The following ADD2 variants were observed in gnomAD, a reference collection of about 807,000 sequenced individuals.
ADD2 encodes the protein adducin 2.
Under a neutral mutation model 83.0 loss-of-function variants are expected in ADD2, and 23 were observed. The ratio of observed to expected loss-of-function variants is 0.28; its 90% CI spans 0.20 to 0.39. The LOEUF (loss-of-function observed/expected upper bound fraction) is 0.39, where lower values mean the gene tolerates loss of function less well. ADD2 is among the 10% of genes least tolerant of loss of function. The pLI is 1.00. For missense variants in ADD2, 758 were observed against 944.9 expected, an observed-to-expected ratio of 0.80 and a Z score of 2.59; for synonymous variants, 375 against 375.4, an observed-to-expected ratio of 1.00 and a Z score of 0.01.
chr2:70,682,335 T>A (rs1670499376), intron 10 of ADD2, among the ~76,000 whole-genome samples: 1 of 152,212 alleles, frequency 6.6e-6, no homozygotes, highest in Non-Finnish European at 1.5e-5. Context: ...TGAAACCATC[T>A]AGTCGCGGTG....
intron 1 of ADD2, among the ~76,000 whole-genome samples, chr2:70,722,655 A>G (rs1672788668): frequency 6.6e-6 from 1 of 152,230 alleles, no homozygotes; most frequent in African/African-American, 2.4e-5. Flanking sequence ...ACAACAAGGC[A>G]GACTGATGTG....
chr2:70,750,348 C>G (rs1674447733), intron 1 of ADD2, among the ~76,000 whole-genome samples: 1 of 152,194 alleles, frequency 6.6e-6, no homozygotes, highest in Non-Finnish European at 1.5e-5. Flanking sequence ...TGTCTCCCAA[C>G]AATTCATATC....
Position 70,676,538 on chromosome 2 carries a change from C to T in ADD2, c.1593+258G>A, listed in dbSNP as rs945549307. 15 of 1,389,876 alleles carry T rather than the reference C, an allele frequency of 1.1e-5. No homozygotes were observed. In the South Asian group the frequency reaches 1.3e-4, roughly 12 times the overall value. 86.1% of individuals were successfully genotyped at this position (1,389,876 alleles called of 1,614,324 possible). ...GTTCCATGGCAGGAGGTACGGAAGCCGGCCGCATCACTCCTGCAGGCAGGC... is the reference window on the plus strand; with the variant it reads ...GTTCCATGGCAGGAGGTACGGAAGCTGGCCGCATCACTCCTGCAGGCAGGC... On this transcript the variant is annotated intron_variant, in intron 13 of 15. Transcript: ENST00000264436. This position sits in a 1 kb window ranked among gnomAD's most constrained non-coding sequence, Gnocchi z 4.8.
At position 70,672,931 on chromosome 2, in the gene ADD2, G is replaced by T; in HGVS notation, c.1817C>A (p.Ala606Glu). 1.2e-6 allele frequency: 2 copies of T among 1,613,636 alleles called. No individual in the cohort carries two copies. Among genetic ancestry groups the T allele is most frequent in the South Asian group, 1.1e-5 (1 of 90,936 alleles). Residue 606 changes from alanine to glutamate, a missense_variant, in exon 15 of 16, where the codon GCG becomes GAG. Ala to Glu is a moderately radical substitution (Grantham distance 107, BLOSUM62 -1). Coordinates refer to ENST00000264436, the MANE Select transcript of ADD2 (RefSeq NM_001617.4). ...SAPASPVQSP[A>E]KEAETKSPLV... is the part of the protein sequence containing the mutation. ...AGGGCTCTTTGTCTCTGCCTCCTTC[G>T]CTGGGCTCTGCACTGGAGAAGCAGG...
chr2:70,707,010 T>C (rs1484890444), intron 2 of ADD2, among the ~76,000 whole-genome samples: 1 of 151,634 alleles, frequency 6.6e-6, no homozygotes, highest in Non-Finnish European at 1.5e-5. Context: ...GAAAAAAAAA[T>C]TATGGTGGGA....
At chr2:70,694,338 G>A (rs576984919) in intron 6 of ADD2, among the ~76,000 whole-genome samples, 9 of 152,158 alleles carry the variant, frequency 5.9e-5, no homozygotes, top group African/African-American at 1.2e-4. Flanking sequence ...CCTAGGTGTC[G>A]GTTGGCCTCT....
chr2:70,699,981 T>C (rs1671507830), intron 4 of ADD2, among the ~76,000 whole-genome samples: 1 of 152,136 alleles, frequency 6.6e-6, no homozygotes, highest in South Asian at 2.1e-4. Flanking sequence ...GAATTAAAGG[T>C]GCAATCAATA....
At chr2:70,730,698 G>T (rs1673236658) in intron 1 of ADD2, among the ~76,000 whole-genome samples, 1 of 152,222 alleles carries the variant, frequency 6.6e-6, no homozygotes, top group Non-Finnish European at 1.5e-5. Flanking sequence ...GTCACATGCT[G>T]CATGATTTGG....
intron 9 of ADD2, 71 bp from the exon 10 acceptor site, chr2:70,683,838 T>C (rs1670588404): frequency 2.0e-6 from 3 of 1,504,882 alleles, no homozygotes; most frequent in Non-Finnish European, 2.7e-6. Flanking sequence ...TGCTCCTGTA[T>C]GTGATGAGAG....
In ADD2 at chr2:70,656,902, A is replaced by G. The variant is rs946978281; in HGVS notation, c.*6523T>C. The stretch of plus-strand genomic sequence containing the variant: ...CAGCATCACCGTCAGACACCAAAGC[A>G]GCAGGAGGGCTCAGGAAGTGGCTTT... On this transcript the variant is annotated 3_prime_UTR_variant, in exon 16 of 16. Transcript: ENST00000264436. The G allele has an allele frequency of 6.6e-6, 1 of 152,220 alleles. No individual in the cohort carries two copies. The highest frequency in any genetic ancestry group is 1.5e-5 in the Non-Finnish European group (1 of 68,038). The allele number at this position is 152,220 out of a possible 1,614,324, so 9.4% of individuals were successfully genotyped here.
rs782415400 is a variant in ADD2, at chr2:70,683,653, T to C, written c.1063A>G (p.Met355Val). The change falls in exon 10 of 16, where the codon ATG becomes GTG. Residue 355 changes from methionine to valine, a missense_variant. Around this residue, in one of 5 missense-constraint regions of ADD2, gnomAD observed 394 missense variants for 509.3 expected, o/e 0.77. Transcript: ENST00000264436. ...TGCTCCCCCAGCCGACTCTTCTGCA[T>C]AGGCCCAAAGGTGCTCCCGGCCCAC... The part of the protein sequence containing the change: ...VQWAGSTFGP[M>V]QKSRLGEHEF... The C allele has an allele frequency of 1.9e-6, 3 of 1,614,128 alleles. No homozygotes were observed. The highest frequency in any genetic ancestry group is 1.7e-5 in the Admixed American group (1 of 60,022).
At chr2:70,726,172 GC>G in intron 1 of ADD2, among the ~76,000 whole-genome samples, 1 of 117,038 alleles carries the variant, frequency 8.5e-6, no homozygotes, top group East Asian at 2.5e-4. Flanking sequence ...GGGCGACAGA[GC>G]GAGACTCCAT....
chr2:70,727,922 A>C (rs1673092014), intron 1 of ADD2, among the ~76,000 whole-genome samples: 1 of 150,780 alleles, frequency 6.6e-6, no homozygotes, highest in Admixed American at 6.6e-5. Context: ...TAAATAAATA[A>C]ATAAATAAAT....
rs10549289 is a variant in ADD2, at chr2:70,756,071, G to GAA, written c.-154+11813_-154+11814dup. Reference sequence around the variant, plus strand: ...TGAAACTTCATCTCAGCAAAAAAAAGAAAAAAAAAAAAAAAAGAGAAAGAA... The same window carrying GAA: ...TGAAACTTCATCTCAGCAAAAAAAAGAAAAAAAAAAAAAAAAAAGAGAAAGAA... On this transcript the variant is annotated intron_variant, in intron 1 of 15. Coordinates refer to ENST00000264436, the MANE Select transcript of ADD2 (RefSeq NM_001617.4). 1.0e-3 allele frequency among the ~76,000 whole-genome samples: 118 copies of GAA among 117,424 alleles called. 2 individuals are homozygous for GAA. In the South Asian group the frequency reaches 0.033, roughly 33 times the overall value. 77.0% of individuals were successfully genotyped at this position (117,424 alleles called of 152,430 possible).
At chr2:70,702,176 T>C (rs1475565782) in intron 4 of ADD2, among the ~76,000 whole-genome samples, 1 of 152,248 alleles carries the variant, frequency 6.6e-6, no homozygotes, top group Non-Finnish European at 1.5e-5. Flanking sequence ...TTTTTGTTTT[T>C]GCTTTTTTGA....
intron 13 of ADD2, 84 bp from the exon 14 acceptor site, chr2:70,674,909 G>C: frequency 6.5e-7 from 1 of 1,530,388 alleles, no homozygotes. Flanking sequence ...GATTCATGTG[G>C]CTGCAAGCGG....
At position 70,690,668 on chromosome 2, in the gene ADD2, T is replaced by G. The variant is rs189198786; in HGVS notation, c.849+118A>C. 184 of 1,228,448 alleles carry G rather than the reference T, an allele frequency of 1.5e-4. 3 individuals carry two copies. The African/African-American group carries it at 2.3e-3, about 15-fold the overall frequency. The allele number at this position is 1,228,448 out of a possible 1,614,324, so 76.1% of individuals were successfully genotyped here. A position where few individuals can be genotyped will look rare whatever the true frequency, so the allele number is the denominator to read the frequency against. On this transcript the variant is annotated intron_variant, in intron 8 of 15. Coordinates refer to ENST00000264436, the MANE Select transcript of ADD2 (RefSeq NM_001617.4). ...ATCTCAGGGTAGTGGGATAGAGATC[T>G]TTCTTTTTTTTCCCCCCTCTCTCCC...
At chr2:70,738,586 A>G (rs1402835119) in intron 1 of ADD2, among the ~76,000 whole-genome samples, 1 of 152,226 alleles carries the variant, frequency 6.6e-6, no homozygotes, top group Non-Finnish European at 1.5e-5. Flanking sequence ...GAGAGGCCAC[A>G]GCCATTTCAC....
At chr2:70,690,561 T>C (rs1670974701) in intron 8 of ADD2, among the ~76,000 whole-genome samples, 1 of 152,236 alleles carries the variant, frequency 6.6e-6, no homozygotes, top group South Asian at 2.1e-4. Context: ...GTAATTACTA[T>C]ATATTGCTGA....
Sources: gnomAD v4.1 joint callset for allele counts (sites outside exome capture counted in the v4.1 genomes callset) on GRCh38, gnomAD v4.1.1 for gene constraint, gnomAD v4.1.1 regional missense constraint, Gnocchi (gnomAD v3.1) non-coding constraint, MANE v1.5 for transcripts, NCBI Gene and HGNC (gene_info 2026-07-23, HGNC 2026-07-21) for gene names.